The following PRSS38 variants were observed in gnomAD, a reference collection of about 807,000 sequenced individuals.
PRSS38 encodes serine protease 38.
PRSS38 carries 22 observed loss-of-function variants against 26.8 expected under a neutral mutation model. The ratio of observed to expected loss-of-function variants is 0.82; its 90% CI spans 0.59 to 1.17. The LOEUF is 1.17. PRSS38 is among the 50% of genes most tolerant of loss of function. The probability of loss-of-function intolerance (pLI) is 0.00; values close to 1 mark genes in which losing one functional copy is unlikely to be tolerated. For missense variants in PRSS38, 427 were observed against 422.7 expected, an observed-to-expected ratio of 1.01 and a Z score of -0.09; for synonymous variants, 175 against 172.1, an observed-to-expected ratio of 1.02 and a Z score of -0.13.
intron 4 of PRSS38, 108 bp downstream of exon 4, chr1:227,845,720 T>A: frequency 7.4e-7 from 1 of 1,359,498 alleles, no homozygotes; most frequent in Non-Finnish European, 1.0e-6. Flanking sequence ...CCTGCAGCCA[T>A]GCCCCAAGCT....
chr1:227,817,629 A>G (rs565209738), intron 3 of PRSS38, 149 bp downstream of exon 3: 3 of 837,186 alleles, frequency 3.6e-6, no homozygotes, highest in Non-Finnish European at 5.5e-6. Context: ...GTCAGTGTGG[A>G]TATTTTGTTG....
intron 2 of PRSS38, 31 bp from the exon 3 acceptor site, chr1:227,817,178 G>A (rs201685896): frequency 9.4e-5 from 150 of 1,596,878 alleles, no homozygotes; most frequent in East Asian, 4.3e-4. Context: ...AGGAAGCTGC[G>A]GGCATTGTAC....
intron 3 of PRSS38, among the ~76,000 whole-genome samples, chr1:227,822,770 C>T (rs193091749): frequency 6.6e-6 from 1 of 152,320 alleles, no homozygotes; most frequent in East Asian, 1.9e-4. Flanking sequence ...AATACTTAGC[C>T]ATGCTTGCAC....
intron 3 of PRSS38, among the ~76,000 whole-genome samples, chr1:227,835,176 T>C (rs1416610991): frequency 6.6e-6 from 1 of 152,066 alleles, no homozygotes; most frequent in Non-Finnish European, 1.5e-5. Flanking sequence ...AAATGGAAAA[T>C]AGGTACTGGC....
chr1:227,845,476 C>G (rs999702103), exon 4 of PRSS38: 1 of 1,610,234 alleles, frequency 6.2e-7, no homozygotes, highest in Admixed American at 1.7e-5. Context: ...ACAGGTGAGA[C>G]CTCAGACGAG....
At chr1:227,824,880 T>C (rs1220309518) in intron 3 of PRSS38, among the ~76,000 whole-genome samples, 4 of 152,236 alleles carry the variant, frequency 2.6e-5, no homozygotes, top group Non-Finnish European at 4.4e-5. Flanking sequence ...TTGAGAAGTG[T>C]CTGTTCATGA....
Position 227,843,049 on chromosome 1 carries a change from G to A in PRSS38, c.584-2421G>A, listed in dbSNP as rs556414845. ...GACTTCACCGTCTCTAATGAGGACC[G>A]GCCTTTATATTCTCCTAACACCCTG... On this transcript the variant is annotated intron_variant, in intron 3 of 4. Coordinates refer to ENST00000366757, the Ensembl canonical transcript of PRSS38. Among the ~76,000 whole-genome samples, 12 of 152,252 alleles carry A rather than the reference G, an allele frequency of 7.9e-5. No homozygotes were observed. The East Asian group carries it at 1.2e-3, about 15-fold the overall frequency.
At chr1:227,840,442 C>G (rs4653874) in intron 3 of PRSS38, among the ~76,000 whole-genome samples, 129,478 of 152,108 alleles carry the variant, frequency 0.85, 55,333 homozygotes, top group South Asian at 0.91. Context: ...ATGGTTGGGG[C>G]GGAAAAGAAC....
chr1:227,838,463 G>A (rs1241203025), intron 3 of PRSS38, among the ~76,000 whole-genome samples: 1 of 152,140 alleles, frequency 6.6e-6, no homozygotes, highest in East Asian at 1.9e-4. Flanking sequence ...GCGCTCTGGA[G>A]CCTTTGCATT....
chr1:227,846,083 A>G (rs753345701), exon 5 of PRSS38: 1 of 1,614,196 alleles, frequency 6.2e-7, no homozygotes, highest in South Asian at 1.1e-5. Flanking sequence ...CTATTTCTCA[A>G]AATGGATATG....
intron 3 of PRSS38, among the ~76,000 whole-genome samples, chr1:227,823,671 T>C (rs1240591022): frequency 6.6e-6 from 1 of 152,192 alleles, no homozygotes; most frequent in African/African-American, 2.4e-5. Context: ...CTAACATCTC[T>C]CTTACTTCCT....
At chr1:227,828,974 C>T (rs1313612711) in intron 3 of PRSS38, among the ~76,000 whole-genome samples, 2 of 152,148 alleles carry the variant, frequency 1.3e-5, no homozygotes, top group Non-Finnish European at 2.9e-5. Context: ...TGTGGTTTCC[C>T]AGGGTGGAAT....
intron 3 of PRSS38, among the ~76,000 whole-genome samples, chr1:227,827,498 G>A (rs1356950432): frequency 6.6e-6 from 1 of 152,036 alleles, no homozygotes; most frequent in African/African-American, 2.4e-5. Flanking sequence ...AGTGTTCTCT[G>A]ATGGTTGTTT....
At chr1:227,839,606 C>A in intron 3 of PRSS38, among the ~76,000 whole-genome samples, 1 of 152,092 alleles carries the variant, frequency 6.6e-6, no homozygotes, top group East Asian at 1.9e-4. Context: ...TTCTTGAGGG[C>A]TTGGTGGTCT....
chr1:227,816,637 G>A lies in PRSS38; in HGVS notation c.311+385G>A, dbSNP rs114065002. Among the ~76,000 whole-genome samples the A allele has an allele frequency of 0.012, 1,758 of 151,400 alleles. 38 individuals carry two copies. Among genetic ancestry groups the A allele is most frequent in the African/African-American group, 0.039 (1,623 of 41,190 alleles). Reference sequence around the variant, plus strand: ...CCTAAGTGCACGACCAGGTCCCCACGAGTGAGGCTGGTCCTCAAGGGCACA... The same window carrying A: ...CCTAAGTGCACGACCAGGTCCCCACAAGTGAGGCTGGTCCTCAAGGGCACA... On this transcript the variant is annotated intron_variant, in intron 2 of 4. Transcript: ENST00000366757. The surrounding 1 kb of genome is among the most constrained non-coding windows in gnomAD (Gnocchi z 5.1).
chr1:227,845,776 C>T (rs1665420409), intron 4 of PRSS38, among the ~76,000 whole-genome samples, 164 bp downstream of exon 4: 2 of 152,204 alleles, frequency 1.3e-5, no homozygotes, highest in South Asian at 2.1e-4. Flanking sequence ...ATGCCTGCAG[C>T]AGGCCTCCCC....
At chr1:227,839,669 G>A (rs559887541) in intron 3 of PRSS38, among the ~76,000 whole-genome samples, 43 of 152,100 alleles carry the variant, frequency 2.8e-4, no homozygotes, top group African/African-American at 8.9e-4. Context: ...TTACAAGTGC[G>A]GACCTCAGAT....
intron 3 of PRSS38, among the ~76,000 whole-genome samples, chr1:227,844,277 T>G (rs1197650892): frequency 6.6e-6 from 1 of 151,924 alleles, no homozygotes; most frequent in East Asian, 1.9e-4. Flanking sequence ...TGGTCGGGAC[T>G]TCATTCATGG....
exon 1 of PRSS38, chr1:227,815,746 A>G: frequency 6.2e-7 from 1 of 1,603,626 alleles, no homozygotes; most frequent in Non-Finnish European, 8.5e-7. Context: ...TCATGGGCCC[A>G]CTCGGGCCCT....
Sources: gnomAD v4.1 joint callset for allele counts (sites outside exome capture counted in the v4.1 genomes callset) on GRCh38, gnomAD v4.1.1 for gene constraint, Gnocchi (gnomAD v3.1) non-coding constraint, MANE v1.5 for transcripts, NCBI Gene and HGNC (gene_info 2026-07-23, HGNC 2026-07-21) for gene names.